The following ROBO2 variants were observed in gnomAD, a reference collection of about 807,000 sequenced individuals.
The protein encoded by ROBO2 is roundabout guidance receptor 2.
In ROBO2, 53 loss-of-function variants were observed where a neutral mutation model predicts 160.8. The observed-to-expected ratio is 0.33, with a 90% CI of 0.26 to 0.41. The LOEUF (loss-of-function observed/expected upper bound fraction) is 0.41, where lower values mean the gene tolerates loss of function less well. Among genes scored for constraint, ROBO2 ranks in the 10% least tolerant of loss-of-function variants. The pLI is 1.00. For missense variants in ROBO2, 1,577 were observed against 1,722.4 expected, an observed-to-expected ratio of 0.92 and a Z score of 1.49; for synonymous variants, 664 against 611.7, an observed-to-expected ratio of 1.09 and a Z score of -1.26.
intron 2 of ROBO2, among the ~76,000 whole-genome samples, chr3:76,454,723 A>T (rs1017760875): frequency 1.3e-5 from 2 of 152,114 alleles, no homozygotes; most frequent in Non-Finnish European, 2.9e-5. Context: ...ATATTAAATA[A>T]TTTTTTTAAA....
chr3:76,017,427 T>C (rs2066434602), intron 2 of ROBO2, among the ~76,000 whole-genome samples: 1 of 152,188 alleles, frequency 6.6e-6, no homozygotes, highest in African/African-American at 2.4e-5. Context: ...TGTCCTGATT[T>C]GTTAAACTAG....
chr3:77,574,865 T>C, intron 14 of ROBO2, 135 bp downstream of exon 15: 2 of 701,844 alleles, frequency 2.8e-6, no homozygotes, highest in East Asian at 2.7e-5. Flanking sequence ...TTTTCTCCTT[T>C]TATTCTGAGA....
chr3:76,371,039 T>C (rs2076074860), intron 2 of ROBO2, among the ~76,000 whole-genome samples: 1 of 151,886 alleles, frequency 6.6e-6, no homozygotes, highest in African/African-American at 2.4e-5. Flanking sequence ...ATAATTAGAC[T>C]CATAGTCCCT....
At chr3:76,910,367 T>C (rs1198316231) in intron 2 of ROBO2, among the ~76,000 whole-genome samples, 2 of 152,076 alleles carry the variant, frequency 1.3e-5, no homozygotes, top group Non-Finnish European at 2.9e-5. Flanking sequence ...TATACACTTA[T>C]GAAATGATGA....
chr3:76,276,309 T>C (rs1707916939), intron 2 of ROBO2, among the ~76,000 whole-genome samples: 1 of 152,052 alleles, frequency 6.6e-6, no homozygotes, highest in African/African-American at 2.4e-5. Context: ...TCCAATATGA[T>C]AGATATTAGC....
chr3:76,609,197 C>T (rs2087888279), intron 2 of ROBO2, among the ~76,000 whole-genome samples: 1 of 152,062 alleles, frequency 6.6e-6, no homozygotes, highest in African/African-American at 2.4e-5. Context: ...TCTGGGTTCT[C>T]TATTCTGTTT....
At chr3:76,956,699 G>A (rs1056560825) in intron 2 of ROBO2, among the ~76,000 whole-genome samples, 1 of 151,790 alleles carries the variant, frequency 6.6e-6, no homozygotes, top group Non-Finnish European at 1.5e-5. Context: ...GAAGATAGAT[G>A]TGCACCTGCT....
chr3:76,010,062 G>A (rs1243696937), intron 2 of ROBO2, among the ~76,000 whole-genome samples: 2 of 152,136 alleles, frequency 1.3e-5, no homozygotes, highest in African/African-American at 4.8e-5. Flanking sequence ...AATTATTTAA[G>A]TTGGACATCT....
intron 5 of ROBO2, among the ~76,000 whole-genome samples, chr3:77,504,140 G>A: frequency 6.6e-6 from 1 of 152,090 alleles, no homozygotes; most frequent in South Asian, 2.1e-4. Context: ...TCTGAGAAGT[G>A]ATTCATCATA....
intron 5 of ROBO2, among the ~76,000 whole-genome samples, chr3:77,510,159 C>G (rs941441955): frequency 1.7e-4 from 26 of 152,020 alleles, no homozygotes; most frequent in African/African-American, 6.3e-4. Flanking sequence ...GAGAGCCAGT[C>G]AAGAGTGAAT....
At chr3:76,590,618 T>A (rs899500591) in intron 2 of ROBO2, among the ~76,000 whole-genome samples, 14 of 152,134 alleles carry the variant, frequency 9.2e-5, no homozygotes, top group African/African-American at 3.4e-4. Context: ...TTTGTAAAAA[T>A]CTGCTCAATA....
intron 2 of ROBO2, among the ~76,000 whole-genome samples, chr3:77,371,073 T>C (rs1342726149): frequency 6.6e-6 from 1 of 152,204 alleles, no homozygotes; most frequent in Non-Finnish European, 1.5e-5. Flanking sequence ...GGTGGTGATA[T>C]TATTTTTTTC....
At chr3:77,615,262 A>G (rs1393670888) in intron 21 of ROBO2, among the ~76,000 whole-genome samples, 1 of 152,106 alleles carries the variant, frequency 6.6e-6, no homozygotes, top group Non-Finnish European at 1.5e-5. Flanking sequence ...CCCAGCCCCC[A>G]CATATTGATA....
chr3:76,537,314 A>G (rs1001228899), intron 2 of ROBO2, among the ~76,000 whole-genome samples: 1 of 152,132 alleles, frequency 6.6e-6, no homozygotes, highest in Non-Finnish European at 1.5e-5. Context: ...GTCTTGTAGG[A>G]TGGAGAAATC....
intron 2 of ROBO2, among the ~76,000 whole-genome samples, chr3:77,114,090 C>A (rs537031651): frequency 2.0e-5 from 3 of 152,130 alleles, no homozygotes; most frequent in South Asian, 2.1e-4. Flanking sequence ...GTTTAAGAGA[C>A]CACGTTCTGA....
At chr3:76,453,918 AG>A (rs1374262087) in intron 2 of ROBO2, among the ~76,000 whole-genome samples, 2 of 152,126 alleles carry the variant, frequency 1.3e-5, no homozygotes, top group East Asian at 3.9e-4. Context: ...TAAGGCCTAA[AG>A]AAATAAGGAC....
intron 2 of ROBO2, among the ~76,000 whole-genome samples, chr3:77,177,129 G>T (rs1310261757): frequency 1.3e-5 from 2 of 151,956 alleles, no homozygotes; most frequent in Non-Finnish European, 2.9e-5. Context: ...TAAAACTTTG[G>T]ATATGTCTCA....
At chr3:76,900,420 T>C (rs1467811157) in intron 2 of ROBO2, among the ~76,000 whole-genome samples, 1 of 152,168 alleles carries the variant, frequency 6.6e-6, no homozygotes, top group Non-Finnish European at 1.5e-5. Flanking sequence ...TTTCAGATGG[T>C]GTCATGATGT....
At chr3:77,161,462 A>C (rs989873316) in intron 2 of ROBO2, among the ~76,000 whole-genome samples, 3 of 152,206 alleles carry the variant, frequency 2.0e-5, no homozygotes, top group Non-Finnish European at 2.9e-5. Flanking sequence ...ACACACTCTT[A>C]GATGATATTA....
Sources: allele counts gnomAD v4.1 joint callset (sites outside exome capture counted in the v4.1 genomes callset), GRCh38; gene constraint gnomAD v4.1.1; transcripts MANE v1.5; gene names NCBI Gene and HGNC (gene_info 2026-07-23, HGNC 2026-07-21).